The following RNF170 variants were observed in gnomAD, a reference collection of about 807,000 sequenced individuals.
The protein encoded by RNF170 is E3 ubiquitin-protein ligase RNF170.
A neutral mutation model predicts 32.7 loss-of-function variants in RNF170; 12 were observed. The observed-to-expected ratio is 0.37, with a 90% confidence interval of 0.24 to 0.60. The LOEUF (loss-of-function observed/expected upper bound fraction) is 0.60, where lower values mean the gene tolerates loss of function less well. RNF170 is among the 20% of genes least tolerant of loss of function. The pLI is 0.72. For missense variants in RNF170, 212 were observed against 311.2 expected (o/e 0.68, Z 2.40); for synonymous variants, 91 against 103.6 (o/e 0.88, Z 0.74).
At chr8:42,867,666 C>T (rs1804202859) in intron 4 of RNF170, among the ~76,000 whole-genome samples, 1 of 147,308 alleles carries the variant, frequency 6.8e-6, no homozygotes, top group African/African-American at 2.5e-5. Context: ...GTTCCAGCTA[C>T]TCAGGAGGCT....
At chr8:42,872,688 G>A (rs745322079) in intron 3 of RNF170, among the ~76,000 whole-genome samples, 1 of 152,004 alleles carries the variant, frequency 6.6e-6, no homozygotes, top group Non-Finnish European at 1.5e-5. Context: ...TGATCTGCTT[G>A]CCTTGGCCTC....
At chr8:42,894,109 G>A (rs895304349) in intron 1 of RNF170, among the ~76,000 whole-genome samples, 2 of 152,182 alleles carry the variant, frequency 1.3e-5, no homozygotes, top group African/African-American at 4.8e-5. Context: ...GCAGCCACAT[G>A]GCTTCTGCAA....
At position 42,854,538 on chromosome 8, in the gene RNF170, C is replaced by T; in HGVS notation, c.*1621G>A. 7.8e-7 allele frequency: 1 copy of T among 1,287,058 alleles called. No homozygotes were observed. Among genetic ancestry groups the T allele is most frequent in the South Asian group, 1.2e-5 (1 of 80,930 alleles). 79.7% of individuals were successfully genotyped at this position (1,287,058 alleles called of 1,614,324 possible). On this transcript the variant is annotated 3_prime_UTR_variant, in exon 7 of 7. Coordinates refer to ENST00000527424, the MANE Select transcript of RNF170 (RefSeq NM_030954.4). Reference sequence around the variant, plus strand: ...TATGTTTAAGCATTATTGTTTTTCTCTATGACAAGCAACAGCTCTGTCCTA... The same window carrying T: ...TATGTTTAAGCATTATTGTTTTTCTTTATGACAAGCAACAGCTCTGTCCTA...
In RNF170 at chr8:42,893,734, T is replaced by TA. The variant is rs572305172; in HGVS notation, c.-8+2749dup. 2.6e-3 allele frequency among the ~76,000 whole-genome samples: 395 copies of TA among 152,344 alleles called. 2 individuals carry two copies. The highest frequency in any genetic ancestry group is 5.6e-3 in the Admixed American group (86 of 15,302). On this transcript the variant is annotated intron_variant, in intron 1 of 6. Coordinates refer to ENST00000527424, the MANE Select transcript of RNF170 (RefSeq NM_030954.4). ...CATGATAAAACTAGCCATGTTTTGA[T>TA]ATGATAAAAACTAGCCATGCCTGCC... is the stretch of plus-strand genomic sequence containing the variant.
chr8:42,865,290 AAAG>A (rs753835584), intron 5 of RNF170, 123 bp downstream of exon 5: 6 of 656,062 alleles, frequency 9.1e-6, no homozygotes, highest in East Asian at 2.8e-5. Context: ...TGGTGACATC[AAAG>A]AAGATTTGGA....
At chr8:42,882,941 T>C (rs72644052) in intron 2 of RNF170, among the ~76,000 whole-genome samples, 1 of 152,188 alleles carries the variant, frequency 6.6e-6, no homozygotes, top group Non-Finnish European at 1.5e-5. Context: ...TGTGTGCCTG[T>C]GGTCTCAGCT....
At chr8:42,884,041 C>T (rs904200819) in intron 2 of RNF170, among the ~76,000 whole-genome samples, 1 of 152,142 alleles carries the variant, frequency 6.6e-6, no homozygotes, top group East Asian at 1.9e-4. Context: ...CCAGTGGCCC[C>T]AGTTCTGCCC....
rs1229273707 is a variant in RNF170, at chr8:42,854,652, A to AT, written c.*1506dup. 7.8e-7 allele frequency: 1 copy of AT among 1,287,216 alleles called. No individual in the cohort carries two copies. The highest frequency in any genetic ancestry group is 2.3e-5 in the Admixed American group (1 of 43,550). The allele number at this position is 1,287,216 out of a possible 1,614,324, so 79.7% of individuals were successfully genotyped here. Reference sequence around the variant, plus strand: ...TGATTAGCTAGAGAGAATGTGACAGATTTTCTCCTTATCTCCCAGTCTGCA... The same window carrying AT: ...TGATTAGCTAGAGAGAATGTGACAGATTTTTCTCCTTATCTCCCAGTCTGCA... On this transcript the variant is annotated 3_prime_UTR_variant, in exon 7 of 7. Transcript: ENST00000527424.
chr8:42,850,542 T>C (rs958424810), downstream of RNF170: 3 of 544,948 alleles, frequency 5.5e-6, no homozygotes, highest in Middle Eastern at 9.9e-4. Context: ...TGAGCACTAC[T>C]GTGGTGGCAG....
At chr8:42,852,943 A>G (rs775562919), downstream of RNF170, among the ~76,000 whole-genome samples, 170 of 150,346 alleles carry the variant, frequency 1.1e-3, 1 homozygote, top group Non-Finnish European at 1.2e-3. Flanking sequence ...CAGCCAGACC[A>G]TGTATCTACA....
Position 42,870,249 on chromosome 8 carries a change from T to A in RNF170, c.214-137A>T, listed in dbSNP as rs564043506. 21 of 713,540 alleles carry A rather than the reference T, an allele frequency of 2.9e-5. No homozygotes were observed. The African/African-American group carries it at 3.5e-4, about 12-fold the overall frequency. The allele number at this position is 713,540 out of a possible 1,614,324, so 44.2% of individuals were successfully genotyped here. ...CTGTAAACGTGCAATAGTTTAAGGTTATAATTTTAAGAATGTTATGAGGCT... is the reference window on the plus strand; with the variant it reads ...CTGTAAACGTGCAATAGTTTAAGGTAATAATTTTAAGAATGTTATGAGGCT... On this transcript the variant is annotated intron_variant, in intron 3 of 6. Transcript: ENST00000527424.
intron 2 of RNF170, among the ~76,000 whole-genome samples, chr8:42,882,210 A>G (rs1805469258): frequency 6.6e-6 from 1 of 152,202 alleles, no homozygotes; most frequent in Non-Finnish European, 1.5e-5. Flanking sequence ...AATGTTAAAC[A>G]TAGAAATTAC....
intron 2 of RNF170, among the ~76,000 whole-genome samples, chr8:42,878,350 G>A (rs1318061139): frequency 6.6e-6 from 1 of 152,162 alleles, no homozygotes; most frequent in East Asian, 1.9e-4. Context: ...GAATTAAAAG[G>A]AAAAATTCCT....
chr8:42,885,515 C>T (rs1231004535), intron 2 of RNF170, among the ~76,000 whole-genome samples: 2 of 152,162 alleles, frequency 1.3e-5, no homozygotes, highest in African/African-American at 4.8e-5. Context: ...CCATTTTATA[C>T]TCCCCAAAAA....
At chr8:42,879,834 C>T (rs1805242531) in intron 2 of RNF170, among the ~76,000 whole-genome samples, 1 of 151,952 alleles carries the variant, frequency 6.6e-6, no homozygotes, top group Non-Finnish European at 1.5e-5. Context: ...GCCACCGTGC[C>T]TGGCTAATGT....
At chr8:42,895,780 A>T (rs1410529080) in intron 1 of RNF170, among the ~76,000 whole-genome samples, 2 of 152,236 alleles carry the variant, frequency 1.3e-5, no homozygotes, top group Non-Finnish European at 2.9e-5. Context: ...AAAAGTTCAA[A>T]AACAGGCAAA....
chr8:42,886,533 C>T (rs532368401), intron 2 of RNF170, among the ~76,000 whole-genome samples: 11 of 152,160 alleles, frequency 7.2e-5, no homozygotes, highest in African/African-American at 2.4e-4. Flanking sequence ...TCAAGTGATT[C>T]TCACGCCTCA....
chr8:42,894,284 C>T (rs140435804), intron 1 of RNF170, among the ~76,000 whole-genome samples: 1 of 152,314 alleles, frequency 6.6e-6, no homozygotes, highest in African/African-American at 2.4e-5. Flanking sequence ...GCCTTGAAAA[C>T]CGGGGCCACT....
chr8:42,856,932 C>T (rs900907116), intron 6 of RNF170, among the ~76,000 whole-genome samples: 7 of 152,032 alleles, frequency 4.6e-5, no homozygotes, highest in South Asian at 4.1e-4. Context: ...CCCTGGCAAG[C>T]GGACTAAAAA....
Sources: gnomAD v4.1 joint callset for allele counts (sites outside exome capture counted in the v4.1 genomes callset) on GRCh38, gnomAD v4.1.1 for gene constraint, MANE v1.5 for transcripts, NCBI Gene and HGNC (gene_info 2026-07-23, HGNC 2026-07-21) for gene names.